Variants in RPAP1 observed in about 807,000 individuals in gnomAD.
The protein encoded by RPAP1 is RNA polymerase II-associated protein 1.
RPAP1 carries 109 observed loss-of-function variants against 142.4 expected under a neutral mutation model. That is an observed-to-expected ratio of 0.77 (90% CI 0.66 to 0.90). The LOEUF (loss-of-function observed/expected upper bound fraction) is 0.90, where lower values mean the gene tolerates loss of function less well. Among genes scored for constraint, RPAP1 ranks in the 40% least tolerant of loss-of-function variants. RPAP1 has a pLI of 0.00. For synonymous variants in RPAP1, 704 were observed against 738.9 expected, an observed-to-expected ratio of 0.95 and a Z score of 0.77; for missense variants, 1,546 against 1,751.7, an observed-to-expected ratio of 0.88 and a Z score of 2.10.
At chr15:41,523,508 T>G (rs1256196362) in intron 17 of RPAP1, among the ~76,000 whole-genome samples, 154 bp from the exon 18 acceptor site, 5 of 152,098 alleles carry the variant, frequency 3.3e-5, no homozygotes, top group African/African-American at 1.2e-4. Context: ...AAGGCCCCGA[T>G]GTGTAGGGGG....
chr15:41,520,452 C>T lies in RPAP1; in HGVS notation c.3734G>A (p.Arg1245His), dbSNP rs751513521. 3.7e-6 allele frequency: 6 copies of T among 1,613,946 alleles called. No homozygotes were observed. In the East Asian group the frequency reaches 8.9e-5, roughly 24 times the overall value. ...CACGTGTTCCCCAAAGAGGGCAAGG[C>T]GCAAGGTGACACTGAACCGACGCTG... is the stretch of plus-strand genomic sequence containing the variant. ...PLQRRFSVTL[R>H]LALFGEHVGA... Residue 1245 changes from arginine to histidine, a missense_variant, in exon 22 of 25, where the codon CGC becomes CAC. This residue lies in a region of RPAP1 where 210 missense variants were observed against 248.0 expected (regional missense o/e 0.85). Coordinates refer to ENST00000304330, the MANE Select transcript of RPAP1 (RefSeq NM_015540.4).
chr15:41,537,237 G>T, intron 1 of RPAP1, 36 bp from the exon 2 acceptor site: 1 of 1,038,838 alleles, frequency 9.6e-7, no homozygotes, highest in Non-Finnish European at 1.4e-6. Context: ...CTCTGCAACT[G>T]AACCCTGATT....
At chr15:41,530,169 G>GA (rs777511677) in intron 7 of RPAP1, among the ~76,000 whole-genome samples, 190 bp from the exon 8 acceptor site, 1 of 152,094 alleles carries the variant, frequency 6.6e-6, no homozygotes, top group Non-Finnish European at 1.5e-5. Flanking sequence ...TCTCAAATAT[G>GA]ACAGACACAC....
intron 20 of RPAP1, 48 bp from the exon 21 acceptor site, chr15:41,521,928 T>C (rs202006730): frequency 6.3e-7 from 1 of 1,599,296 alleles, no homozygotes; most frequent in Non-Finnish European, 8.5e-7. Context: ...GAAGGGGACG[T>C]GGCAGAGAGA....
rs1314206754 is a variant in RPAP1, at chr15:41,524,201, C to CT, written c.2128dup (p.Ser710LysfsTer33). The CT allele has an allele frequency of 3.2e-6, 5 of 1,577,198 alleles. No individual in the cohort carries two copies. Among genetic ancestry groups the CT allele is most frequent in the Non-Finnish European group, 4.3e-6 (5 of 1,160,190 alleles). On this transcript the variant is annotated frameshift_variant, in exon 16 of 25. Coordinates refer to ENST00000304330, the MANE Select transcript of RPAP1 (RefSeq NM_015540.4). LOFTEE classifies it high-confidence loss of function. ...GGACAGGGGTTGAGGTGGGTGGGTG[C>CT]TGAGCTCCCGCGGCACCACCTGCAA... is the stretch of plus-strand genomic sequence containing the variant.
Position 41,541,848 on chromosome 15 carries a change from C to CA in RPAP1, c.-77+2370dup, listed in dbSNP as rs570909459. 7.3e-5 allele frequency among the ~76,000 whole-genome samples: 11 copies of CA among 150,452 alleles called. No homozygotes were observed. In the South Asian group the frequency reaches 8.4e-4, roughly 12 times the overall value. On this transcript the variant is annotated intron_variant, in intron 1 of 24. Coordinates refer to ENST00000304330, the MANE Select transcript of RPAP1 (RefSeq NM_015540.4). ...GGGGACAGAGCATGAGACTCTGTCTCAAAAAAAAAGTGCTGAATGACACAT... is the reference window on the plus strand; with the variant it reads ...GGGGACAGAGCATGAGACTCTGTCTCAAAAAAAAAAGTGCTGAATGACACAT...
chr15:41,526,916 C>A lies in RPAP1; in HGVS notation c.1899G>T (p.Arg633Ser). Residue 633 changes from arginine to serine, a missense_variant, in exon 14 of 25, where the codon AGG becomes AGT. Physicochemically the swap from Arg to Ser is moderately radical, Grantham distance 110. Around this residue, in one of 3 missense-constraint regions of RPAP1, gnomAD observed 1,333 missense variants for 1,486.6 expected, o/e 0.90. Coordinates refer to ENST00000304330, the MANE Select transcript of RPAP1 (RefSeq NM_015540.4). ...TGCTCACCAGCCGGGCAGCAATATT[C>A]CTCCCAGCTGAGGCCAGGACACGAA... ...KLLRVLASAG[R>S]NIAARLLSSF... 2 of 1,612,980 alleles carry A rather than the reference C, an allele frequency of 1.2e-6. No individual in the cohort carries two copies. Among genetic ancestry groups the A allele is most frequent in the East Asian group, 4.5e-5 (2 of 44,844 alleles).
At position 41,528,296 on chromosome 15, in the gene RPAP1, CG is replaced by C; in HGVS notation, c.1198del (p.Arg400AlafsTer15). On this transcript the variant is annotated frameshift_variant, in exon 10 of 25. Transcript: ENST00000304330. LOFTEE classifies it high-confidence loss of function. ...YSLQELFHLT[R>X]SQVSQQRALA... ...TGCTCTCTGCTGGGAAACCTGGCTG[CG>C]GGTCAGGTGGAACAGCTCCTGTAGG... The C allele has an allele frequency of 6.2e-7, 1 of 1,605,634 alleles. No individual in the cohort carries two copies. The highest frequency in any genetic ancestry group is 8.5e-7 in the Non-Finnish European group (1 of 1,175,896).
intron 17 of RPAP1, 87 bp from the exon 18 acceptor site, chr15:41,523,441 A>G (rs1215567961): frequency 1.3e-5 from 12 of 889,784 alleles, no homozygotes; most frequent in African/African-American, 3.3e-5. Context: ...CACCATCCCA[A>G]CAGCCCAAAA....
intron 9 of RPAP1, among the ~76,000 whole-genome samples, chr15:41,528,583 A>G (rs541712146): frequency 6.6e-6 from 1 of 152,312 alleles, no homozygotes; most frequent in East Asian, 1.9e-4. Context: ...GGGAACCTGG[A>G]AAATTAAATT....
chr15:41,534,024 A>G (rs2051882224), intron 6 of RPAP1, among the ~76,000 whole-genome samples: 1 of 151,640 alleles, frequency 6.6e-6, no homozygotes, highest in Non-Finnish European at 1.5e-5. Flanking sequence ...CAGGAGGCTG[A>G]GGCAGGAGAA....
At chr15:41,522,995 G>A (rs1300553382) in intron 18 of RPAP1, 35 bp from the exon 19 acceptor site, 11 of 1,474,682 alleles carry the variant, frequency 7.5e-6, no homozygotes, top group Non-Finnish European at 9.9e-6. Context: ...GGGGGACTCT[G>A]GCCTGGCGTG....
At chr15:41,525,694 G>T (rs777694115) in intron 14 of RPAP1, among the ~76,000 whole-genome samples, 1 of 151,218 alleles carries the variant, frequency 6.6e-6, no homozygotes, top group Non-Finnish European at 1.5e-5. Context: ...TCGCTCTGTC[G>T]CCCAGGCTGG....
At chr15:41,539,956 C>T (rs975552995) in intron 1 of RPAP1, among the ~76,000 whole-genome samples, 8 of 152,034 alleles carry the variant, frequency 5.3e-5, no homozygotes, top group Admixed American at 2.0e-4. Context: ...TCACTTGAAC[C>T]TGGGAGGCGG....
In RPAP1 at chr15:41,527,193, G is replaced by A. The variant is rs762136187; in HGVS notation, c.1720C>T (p.Arg574Trp). ...DILAVLIRLA[R>W]HSLESATRVL... Reference sequence around the variant, plus strand: ...CTTGTGGCTGATTCCAGGGAATGCCGGGCCAGGCGGATGAGCACAGCCAGG... The same window carrying A: ...CTTGTGGCTGATTCCAGGGAATGCCAGGCCAGGCGGATGAGCACAGCCAGG... Residue 574 changes from arginine to tryptophan, a missense_variant, in exon 13 of 25, where the codon CGG becomes TGG. Arg to Trp is a moderately radical substitution (Grantham distance 101). Around this residue, in one of 3 missense-constraint regions of RPAP1, gnomAD observed 1,333 missense variants for 1,486.6 expected, o/e 0.90. Transcript: ENST00000304330. 36 of 1,614,046 alleles carry A rather than the reference G, an allele frequency of 2.2e-5. No homozygotes were observed. Among genetic ancestry groups the A allele is most frequent in the South Asian group, 1.9e-4 (17 of 91,082 alleles).
chr15:41,534,534 C>T (rs183628318), intron 6 of RPAP1, among the ~76,000 whole-genome samples, 180 bp downstream of exon 6: 59 of 135,250 alleles, frequency 4.4e-4, no homozygotes, highest in Admixed American at 1.5e-3. Context: ...TGCAGTGAGC[C>T]GAGATCGTGC....
At chr15:41,538,176 G>C (rs540592502) in intron 1 of RPAP1, among the ~76,000 whole-genome samples, 1 of 152,172 alleles carries the variant, frequency 6.6e-6, no homozygotes, top group Non-Finnish European at 1.5e-5. Flanking sequence ...CCGGGAGGCG[G>C]AGCTTGCAGT....
chr15:41,536,177 G>A lies in RPAP1; in HGVS notation c.372C>T (p.Pro124=). The part of the protein sequence containing the change: ...TSSVAVNLPV[P]SGVAFPAVFL... ...ACACAGCAGGGAAAGCAACACCACT[G>A]GGCACAGGCAGATTCACGGCCACTG... The change falls in exon 4 of 25, where the codon CCC becomes CCT. Residue 124 remains proline (P), a synonymous_variant. Transcript: ENST00000304330. 1 of 1,614,094 alleles carries A rather than the reference G, an allele frequency of 6.2e-7. No homozygotes were observed. The highest frequency in any genetic ancestry group is 8.5e-7 in the Non-Finnish European group (1 of 1,180,012).
Position 41,527,011 on chromosome 15 carries a change from A to T in RPAP1, c.1804T>A (p.Trp602Arg). Residue 602 changes from tryptophan (W) to arginine (R), a missense_variant, in exon 14 of 25, where the codon TGG (tryptophan) becomes AGG (arginine). This residue lies in a region of RPAP1 where 1,333 missense variants were observed against 1,486.6 expected (regional missense o/e 0.90). Coordinates refer to ENST00000304330, the MANE Select transcript of RPAP1 (RefSeq NM_015540.4). The part of the protein sequence containing the change: ...TIVREFLPTS[W>R]SPVGAGPTPS... ...GTAGGCCCTGCCCCCACAGGAGACC[A>T]ACTGGTGGGCAAGAACTCTCGAACT... 7 of 1,614,214 alleles carry T rather than the reference A, an allele frequency of 4.3e-6. No homozygotes were observed. The highest frequency in any genetic ancestry group is 5.9e-6 in the Non-Finnish European group (7 of 1,180,034).
Sources: gnomAD v4.1 joint callset for allele counts (sites outside exome capture counted in the v4.1 genomes callset) on GRCh38, gnomAD v4.1.1 for gene constraint, gnomAD v4.1.1 regional missense constraint, MANE v1.5 for transcripts, NCBI Gene and HGNC (gene_info 2026-07-23, HGNC 2026-07-21) for gene names.